Variants in TRIM33 observed in about 807,000 individuals in gnomAD.
The protein encoded by TRIM33 is E3 ubiquitin-protein ligase TRIM33.
A neutral mutation model predicts 125.4 loss-of-function variants in TRIM33; 20 were observed. The observed-to-expected ratio is 0.16, with a 90% CI of 0.11 to 0.23. The LOEUF is 0.23. Among genes scored for constraint, TRIM33 ranks in the 10% least tolerant of loss-of-function variants. The probability of loss-of-function intolerance (pLI) is 1.00; values close to 1 mark genes in which losing one functional copy is unlikely to be tolerated. For synonymous variants in TRIM33, 564 were observed against 513.9 expected, an observed-to-expected ratio of 1.10 and a Z score of -1.32; for missense variants, 920 against 1,411.4, an observed-to-expected ratio of 0.65 and a Z score of 5.58.
At chr1:114,408,299 T>C (rs999867467) in intron 13 of TRIM33, among the ~76,000 whole-genome samples, 2 of 152,196 alleles carry the variant, frequency 1.3e-5, no homozygotes, top group Non-Finnish European at 2.9e-5. Context: ...AGAAATCATC[T>C]GGTTTTTTTT....
intron 13 of TRIM33, among the ~76,000 whole-genome samples, chr1:114,407,664 G>A (rs1184540848): frequency 6.6e-6 from 1 of 152,164 alleles, no homozygotes; most frequent in African/African-American, 2.4e-5. Context: ...GACAAAGATG[G>A]AATAATGTTC....
At position 114,511,201 on chromosome 1, in the gene TRIM33, A is replaced by G; in HGVS notation, c.-125T>C. On this transcript the variant is annotated 5_prime_UTR_variant, in exon 1 of 20. Coordinates refer to ENST00000358465, the MANE Select transcript of TRIM33 (RefSeq NM_015906.4). ...CAGCCGAGAGCTAGCGAGAGAGCGA[A>G]CCAACGAGAGCGCGCGCGCACGCGG... 1.1e-6 allele frequency: 1 copy of G among 929,390 alleles called. No homozygotes were observed. The highest frequency in any genetic ancestry group is 4.9e-5 in the South Asian group (1 of 20,574). The allele number at this position is 929,390 out of a possible 1,614,324, so 57.6% of individuals were successfully genotyped here.
At position 114,397,492 on chromosome 1, in the gene TRIM33, A is replaced by G; in HGVS notation, c.*156T>C. 1 of 569,548 alleles carries G rather than the reference A, an allele frequency of 1.8e-6. No individual in the cohort carries two copies. The highest frequency in any genetic ancestry group is 3.1e-6 in the Non-Finnish European group (1 of 325,944). 35.3% of individuals were successfully genotyped at this position (569,548 alleles called of 1,614,324 possible). On this transcript the variant is annotated 3_prime_UTR_variant, in exon 20 of 20. Transcript: ENST00000358465. ...AGAATGTGTTTCTGTCCATTATTTC[A>G]ATCTAATACTGTGTAAAAGCTATCA...
At chr1:114,503,736 T>C (rs1013031562) in intron 1 of TRIM33, among the ~76,000 whole-genome samples, 1 of 152,214 alleles carries the variant, frequency 6.6e-6, no homozygotes, top group Non-Finnish European at 1.5e-5. Flanking sequence ...TCATTTAAAA[T>C]CTCAATTTTT....
In TRIM33 at chr1:114,453,771, A is replaced by G. The variant is rs116958311; in HGVS notation, c.923+9333T>C. On this transcript the variant is annotated intron_variant, in intron 4 of 19. Transcript: ENST00000358465. ...ACCATGTGGCTGGTGAACCACATCT[A>G]TGTGACAGAGACTGACCCAATAAAA... Among the ~76,000 whole-genome samples the G allele has an allele frequency of 2.3e-4, 35 of 152,298 alleles. No homozygotes were observed. In the East Asian group the frequency reaches 6.0e-3, roughly 26 times the overall value.
At chr1:114,404,284 T>C (rs1395784738) in intron 15 of TRIM33, 6 of 151,244 alleles carry the variant, frequency 4.0e-5, no homozygotes, top group Non-Finnish European at 5.9e-5. Flanking sequence ...ACAAGGTGTG[T>C]GCCACCATGC....
rs573815554 is a variant in TRIM33, at chr1:114,458,156, A to C, written c.923+4948T>G. ...CCTGAAACTAATACCCTCCTTGTTC[A>C]GGGACTGAAACCACCTTTGTAAAGC... On this transcript the variant is annotated intron_variant, in intron 4 of 19. Transcript: ENST00000358465. Among the ~76,000 whole-genome samples the C allele has an allele frequency of 4.6e-5, 7 of 152,338 alleles. No homozygotes were observed. The South Asian group carries it at 1.4e-3, about 32-fold the overall frequency.
intron 1 of TRIM33, among the ~76,000 whole-genome samples, chr1:114,466,739 C>G (rs1650324947): frequency 1.3e-5 from 2 of 152,248 alleles, no homozygotes; most frequent in South Asian, 4.1e-4. Context: ...CACCATGCAC[C>G]TTTTCTCTTT....
intron 17 of TRIM33, among the ~76,000 whole-genome samples, chr1:114,400,299 C>A (rs1651795090): frequency 6.6e-6 from 1 of 152,188 alleles, no homozygotes; most frequent in Admixed American, 6.5e-5. Context: ...CCACCTCCAT[C>A]CCCTGGCAAT....
At chr1:114,408,828 A>G (rs1652407488) in intron 12 of TRIM33, 88 bp from the exon 13 acceptor site, 1 of 897,040 alleles carries the variant, frequency 1.1e-6, no homozygotes, top group South Asian at 1.6e-5. Flanking sequence ...AGATTATTAT[A>G]ACCCAGCTAA....
At chr1:114,460,068 T>A (rs1649868938) in intron 4 of TRIM33, 1 of 164,466 alleles carries the variant, frequency 6.1e-6, no homozygotes, top group Non-Finnish European at 1.4e-5. Flanking sequence ...ACAACGTTCA[T>A]TCCATGCCCA....
chr1:114,424,508 C>T (rs1363365429), intron 10 of TRIM33, 83 bp downstream of exon 10: 2 of 1,284,004 alleles, frequency 1.6e-6, no homozygotes, highest in African/African-American at 3.0e-5. Flanking sequence ...ACATCAATGA[C>T]CTGCTCCCAA....
intron 1 of TRIM33, among the ~76,000 whole-genome samples, chr1:114,510,102 C>A (rs1653249522): frequency 2.0e-5 from 3 of 152,134 alleles, no homozygotes; most frequent in Admixed American, 2.0e-4. Flanking sequence ...TCTCTCCTAT[C>A]TGTGAACACG....
chr1:114,483,105 G>C (rs917338162), intron 1 of TRIM33, among the ~76,000 whole-genome samples: 3 of 152,100 alleles, frequency 2.0e-5, no homozygotes, highest in Admixed American at 1.3e-4. Context: ...AGGTGTTCGA[G>C]ACCAGCCTGG....
Position 114,400,872 on chromosome 1 carries a change from T to C in TRIM33, c.2967+517A>G, listed in dbSNP as rs142026056. On this transcript the variant is annotated intron_variant, in intron 17 of 19. Coordinates refer to ENST00000358465, the MANE Select transcript of TRIM33 (RefSeq NM_015906.4). ...TATTCCTTACAAAACTCAATGACTA[T>C]AGACTATGCTAAATATTTTACATAG... Among the ~76,000 whole-genome samples, 479 of 152,270 alleles carry C rather than the reference T, an allele frequency of 3.1e-3. 4 individuals carry two copies. The highest frequency in any genetic ancestry group is 6.8e-3 in the Middle Eastern group (2 of 294).
At chr1:114,428,819 G>A (rs1411880517) in intron 6 of TRIM33, among the ~76,000 whole-genome samples, 4 of 151,148 alleles carry the variant, frequency 2.6e-5, no homozygotes, top group East Asian at 1.9e-4. Context: ...AGTATGTGGC[G>A]TATTTACCAT....
intron 4 of TRIM33, among the ~76,000 whole-genome samples, chr1:114,456,005 T>C (rs1344384378): frequency 1.3e-5 from 2 of 152,188 alleles, no homozygotes; most frequent in East Asian, 1.9e-4. Flanking sequence ...CTAAATCTTG[T>C]TGAAGTCCTA....
chr1:114,483,073 G>A (rs928029798), intron 1 of TRIM33, among the ~76,000 whole-genome samples: 1 of 152,210 alleles, frequency 6.6e-6, no homozygotes, highest in Non-Finnish European at 1.5e-5. Flanking sequence ...GGGAGGCTGA[G>A]ATGGGAGGAT....
In TRIM33 at chr1:114,425,656, A is replaced by T. The variant is rs1647517743; in HGVS notation, c.1488T>A (p.Pro496=). The change falls in exon 9 of 20, where the codon CCT becomes CCA. Residue 496 remains proline (P), a synonymous_variant. Transcript: ENST00000358465. ...YTPNVVVGQV[P]PGTNHISKTP... The stretch of plus-strand genomic sequence containing the variant: ...TTTTACTAATGTGGTTTGTCCCTGG[A>T]GGAACTTGCCCAACTACAACATTAG... 2.5e-6 allele frequency: 4 copies of T among 1,614,206 alleles called. No homozygotes were observed. Among genetic ancestry groups the T allele is most frequent in the Non-Finnish European group, 3.4e-6 (4 of 1,180,034 alleles).
Sources: allele counts gnomAD v4.1 joint callset (sites outside exome capture counted in the v4.1 genomes callset), GRCh38; gene constraint gnomAD v4.1.1; transcripts MANE v1.5; gene names NCBI Gene and HGNC (gene_info 2026-07-23, HGNC 2026-07-21).